Variants in CERS3 observed in about 807,000 individuals in gnomAD.
CERS3 encodes ceramide synthase 3, also known as LAG1 homolog, ceramide synthase 3.
Under a neutral mutation model 50.3 loss-of-function variants are expected in CERS3, and 33 were observed. The observed-to-expected ratio is 0.66, with a 90% CI of 0.50 to 0.88. The LOEUF is 0.88. Ranked by LOEUF, CERS3 falls within the 40% of genes least tolerant of loss-of-function variation. The pLI, the probability that CERS3 is intolerant of heterozygous loss-of-function variation, is 0.00. For synonymous variants in CERS3, 176 were observed against 155.2 expected (o/e 1.13, Z -0.99); for missense variants, 470 against 460.3 (o/e 1.02, Z -0.19).
intron 11 of CERS3, among the ~76,000 whole-genome samples, chr15:100,448,043 G>C (rs945052603): frequency 6.6e-6 from 1 of 152,180 alleles, no homozygotes; most frequent in Non-Finnish European, 1.5e-5. Flanking sequence ...AGAGGCTAGT[G>C]GGGAACAAGC....
At chr15:100,418,362 G>T (rs944497222) in intron 11 of CERS3, among the ~76,000 whole-genome samples, 2 of 151,750 alleles carry the variant, frequency 1.3e-5, no homozygotes, top group Non-Finnish European at 1.5e-5. Flanking sequence ...GAAATGAAGC[G>T]AGAAGGGAAG....
intron 2 of CERS3, among the ~76,000 whole-genome samples, chr15:100,515,705 A>G (rs1302063027): frequency 6.6e-6 from 1 of 152,160 alleles, no homozygotes; most frequent in Non-Finnish European, 1.5e-5. Context: ...GAGGAACACT[A>G]TGAGATTGAT....
At chr15:100,475,955 A>G (rs1284824859) in intron 8 of CERS3, 131 bp downstream of exon 8, 2 of 504,260 alleles carry the variant, frequency 4.0e-6, no homozygotes, top group African/African-American at 4.1e-5. Flanking sequence ...TTTATGTACT[A>G]TAAAGCACAC....
chr15:100,527,504 T>C (rs911114052), intron 1 of CERS3, among the ~76,000 whole-genome samples: 4 of 152,204 alleles, frequency 2.6e-5, no homozygotes, highest in African/African-American at 7.2e-5. Flanking sequence ...AATATTATCA[T>C]AGCTTCAGGA....
At chr15:100,481,751 A>C (rs2035307193) in intron 5 of CERS3, among the ~76,000 whole-genome samples, 1 of 152,240 alleles carries the variant, frequency 6.6e-6, no homozygotes. Flanking sequence ...GAGGAGTAAT[A>C]CTCAGATCCA....
At chr15:100,498,705 C>A (rs189921610) in intron 3 of CERS3, among the ~76,000 whole-genome samples, 76 of 152,300 alleles carry the variant, frequency 5.0e-4, no homozygotes, top group African/African-American at 1.5e-3. Context: ...CATCCCATAT[C>A]TCCCTTTATT....
intron 11 of CERS3, among the ~76,000 whole-genome samples, chr15:100,435,847 T>C (rs887650633): frequency 6.6e-6 from 1 of 152,186 alleles, no homozygotes; most frequent in Non-Finnish European, 1.5e-5. Context: ...AGAAGACATC[T>C]GTGTGGCCAA....
chr15:100,482,044 AT>A (rs1288273052), intron 5 of CERS3, among the ~76,000 whole-genome samples: 2 of 152,196 alleles, frequency 1.3e-5, no homozygotes, highest in African/African-American at 4.8e-5. Context: ...GTAAATACCA[AT>A]AGGTATAACA....
chr15:100,510,023 A>G (rs2036293588), intron 2 of CERS3, among the ~76,000 whole-genome samples: 1 of 28,564 alleles, frequency 3.5e-5, no homozygotes, highest in Admixed American at 5.5e-4. Context: ...CTACAAACCC[A>G]GCCAAAAAAA....
At chr15:100,532,732 C>T (rs1218172257), upstream of CERS3, among the ~76,000 whole-genome samples, 3 of 152,168 alleles carry the variant, frequency 2.0e-5, no homozygotes, top group Non-Finnish European at 4.4e-5. Context: ...ACACTCCAGA[C>T]TGGGCGACAG....
intron 11 of CERS3, among the ~76,000 whole-genome samples, chr15:100,423,671 C>T (rs2032613614): frequency 1.3e-5 from 2 of 152,138 alleles, no homozygotes; most frequent in Admixed American, 1.3e-4. Context: ...ACCTGGGTGA[C>T]AAAATCATTT....
intron 10 of CERS3, among the ~76,000 whole-genome samples, chr15:100,456,845 G>A (rs1360277942): frequency 2.0e-5 from 3 of 151,942 alleles, no homozygotes; most frequent in Admixed American, 6.6e-5. Context: ...TACTGGGGAG[G>A]CTGAGGCAAA....
chr15:100,404,879 G>A (rs111703352), intron 11 of CERS3, among the ~76,000 whole-genome samples: 14 of 152,278 alleles, frequency 9.2e-5, no homozygotes, highest in African/African-American at 3.4e-4. Flanking sequence ...AGAAAGAACA[G>A]TCTTTTCAAC....
In CERS3 at chr15:100,479,628, C is replaced by T; in HGVS notation, c.466-150G>A. ...AATTGACCTTTGCCATATTCTTTTG[C>T]TTCTATTGCACGTATTTCTCCCTCT... is the stretch of plus-strand genomic sequence containing the variant. On this transcript the variant is annotated intron_variant, in intron 6 of 11. Transcript: ENST00000679737. The T allele has an allele frequency of 8.1e-6, 5 of 616,550 alleles. No homozygotes were observed. In the South Asian group the frequency reaches 8.2e-5, roughly 10 times the overall value. 38.2% of individuals were successfully genotyped at this position (616,550 alleles called of 1,614,324 possible).
chr15:100,535,294 T>C (rs1271854406), intron 1 of CERS3, among the ~76,000 whole-genome samples: 1 of 152,258 alleles, frequency 6.6e-6, no homozygotes, highest in African/African-American at 2.4e-5. Flanking sequence ...TTGTGTAAAG[T>C]TTCCAAGTTG....
chr15:100,483,202 T>G lies in CERS3; in HGVS notation c.407+1348A>C, dbSNP rs555804035. Among the ~76,000 whole-genome samples the G allele has an allele frequency of 2.6e-5, 4 of 152,282 alleles. No homozygotes were observed. In the South Asian group the frequency reaches 8.3e-4, roughly 32 times the overall value. ...CTTCAGCCATGCTGATGCCATCACC[T>G]CTAAATTCCCACGACACATCTAAAC... On this transcript the variant is annotated intron_variant, in intron 5 of 11. Transcript: ENST00000679737.
intron 11 of CERS3, among the ~76,000 whole-genome samples, chr15:100,431,646 A>G (rs1450841729): frequency 6.6e-6 from 1 of 152,228 alleles, no homozygotes; most frequent in Admixed American, 6.5e-5. Flanking sequence ...CAGTGGGGAG[A>G]AGACACATGC....
intron 11 of CERS3, among the ~76,000 whole-genome samples, chr15:100,423,531 T>C (rs1019566718): frequency 6.6e-6 from 1 of 152,088 alleles, no homozygotes; most frequent in African/African-American, 2.4e-5. Context: ...GAAAACCAAG[T>C]ACTGTATGTT....
chr15:100,416,945 T>C (rs2031958718), intron 11 of CERS3, among the ~76,000 whole-genome samples: 1 of 152,212 alleles, frequency 6.6e-6, no homozygotes. Context: ...AAAGAAAACG[T>C]ACATGCAGCC....
Sources: gnomAD v4.1 joint callset for allele counts (sites outside exome capture counted in the v4.1 genomes callset) on GRCh38, gnomAD v4.1.1 for gene constraint, MANE v1.5 for transcripts, NCBI Gene and HGNC (gene_info 2026-07-23, HGNC 2026-07-21) for gene names.